Variants in CUX2 observed in about 807,000 individuals in gnomAD.
The protein encoded by CUX2 is cut like homeobox 2.
A neutral mutation model predicts 144.8 loss-of-function variants in CUX2; 40 were observed. The observed-to-expected ratio is 0.28, with a 90% CI of 0.21 to 0.36. The LOEUF is 0.36. CUX2 is among the 10% of genes least tolerant of loss of function. The pLI is 1.00. For synonymous variants in CUX2, 827 were observed against 875.6 expected, an observed-to-expected ratio of 0.94 and a Z score of 0.98; for missense variants, 1,615 against 1,994.0, an observed-to-expected ratio of 0.81 and a Z score of 3.62.
chr12:111,060,854 C>G (rs934285687), intron 1 of CUX2, among the ~76,000 whole-genome samples: 9 of 152,206 alleles, frequency 5.9e-5, no homozygotes, highest in Non-Finnish European at 1.2e-4. Context: ...GAAGCAGAAA[C>G]GGAAGCCTTA....
At chr12:111,300,302 G>A (rs1886227978) in intron 9 of CUX2, among the ~76,000 whole-genome samples, 1 of 152,122 alleles carries the variant, frequency 6.6e-6, no homozygotes, top group South Asian at 2.1e-4. Flanking sequence ...CATATGTTTT[G>A]TAGAGATGCG....
At chr12:111,082,642 A>G (rs1871964678) in intron 1 of CUX2, among the ~76,000 whole-genome samples, 1 of 152,108 alleles carries the variant, frequency 6.6e-6, no homozygotes, top group Non-Finnish European at 1.5e-5. Context: ...CAGCTTTGAA[A>G]CCAGACAGAA....
chr12:111,143,450 C>G (rs1376531938), intron 1 of CUX2, among the ~76,000 whole-genome samples: 1 of 152,170 alleles, frequency 6.6e-6, no homozygotes, highest in Non-Finnish European at 1.5e-5. Flanking sequence ...CCCGGGACCC[C>G]AGAGACGGGA....
intron 4 of CUX2, among the ~76,000 whole-genome samples, chr12:111,278,001 G>C (rs566978827): frequency 7.8e-4 from 119 of 152,352 alleles, no homozygotes; most frequent in African/African-American, 2.5e-3. Context: ...GGCTGGGGCT[G>C]CCTATGTTCC....
intron 1 of CUX2, among the ~76,000 whole-genome samples, chr12:111,177,641 T>C (rs2136175910): frequency 6.6e-6 from 1 of 152,352 alleles, no homozygotes; most frequent in African/African-American, 2.4e-5. Context: ...TCCGCCTGCC[T>C]CAACTTCCCA....
At chr12:111,121,759 G>C (rs1054856505) in intron 1 of CUX2, among the ~76,000 whole-genome samples, 1 of 151,968 alleles carries the variant, frequency 6.6e-6, no homozygotes, top group Non-Finnish European at 1.5e-5. Flanking sequence ...AAATATGACT[G>C]TATAAGTTAT....
chr12:111,075,731 A>T (rs1013027568), intron 1 of CUX2, among the ~76,000 whole-genome samples: 2 of 152,216 alleles, frequency 1.3e-5, no homozygotes, highest in Non-Finnish European at 2.9e-5. Context: ...GATGGAGCTT[A>T]TAAGTCTCAT....
rs75956519 is a variant in CUX2 at position 111,185,466 on chromosome 12, G to A, written c.64-28734G>A. On this transcript the variant is annotated intron_variant, in intron 1 of 21. Coordinates refer to ENST00000261726, the MANE Select transcript of CUX2 (RefSeq NM_015267.4). ...GTCACCCAGAGCAGGGACAGGTGTC[G>A]GCGTAATCGTGTACTGAAACCGCTG... Among the ~76,000 whole-genome samples, 459 of 152,324 alleles carry A rather than the reference G, an allele frequency of 3.0e-3. 12 individuals carry two copies. In the East Asian group the frequency reaches 0.071, roughly 24 times the overall value.
At position 111,246,877 on chromosome 12, in the gene CUX2, G is replaced by A. The variant is rs752668559; in HGVS notation, c.223-16884G>A. Among the ~76,000 whole-genome samples, 4 of 152,092 alleles carry A rather than the reference G, an allele frequency of 2.6e-5. No individual in the cohort carries two copies. On this transcript the variant is annotated intron_variant, in intron 3 of 21. Coordinates refer to ENST00000261726, the MANE Select transcript of CUX2 (RefSeq NM_015267.4). This position sits in a 1 kb window ranked among gnomAD's most constrained non-coding sequence, Gnocchi z 4.0. Reference sequence around the variant, plus strand: ...CCGTCCTTGACTGTCCCTCCTCAAAGCGCTGCTTCCCTGCCACCCTCTGCT... The same window carrying A: ...CCGTCCTTGACTGTCCCTCCTCAAAACGCTGCTTCCCTGCCACCCTCTGCT...
chr12:111,290,414 A>G (rs1018780702), intron 4 of CUX2, among the ~76,000 whole-genome samples: 1 of 152,108 alleles, frequency 6.6e-6, no homozygotes, highest in Non-Finnish European at 1.5e-5. Flanking sequence ...GGCATGTGCC[A>G]CCATGCCCAG....
At chr12:111,074,525 G>T (rs1871416036) in intron 1 of CUX2, among the ~76,000 whole-genome samples, 1 of 152,088 alleles carries the variant, frequency 6.6e-6, no homozygotes, top group Admixed American at 6.5e-5. Flanking sequence ...GCCCAACCTT[G>T]CCTGGGACCC....
intron 1 of CUX2, among the ~76,000 whole-genome samples, chr12:111,094,512 T>C (rs888678411): frequency 2.6e-5 from 4 of 152,206 alleles, no homozygotes; most frequent in Non-Finnish European, 5.9e-5. Context: ...CCACCTTTTT[T>C]CTTTGAGACA....
Position 111,254,986 on chromosome 12 carries a change from A to G in CUX2, c.223-8775A>G, listed in dbSNP as rs185029267. ...TGCCTTAGCCTCCTGAGTAGCTGAG[A>G]TTACAGGTACTCTCCTAATATTTGT... is the stretch of plus-strand genomic sequence containing the variant. On this transcript the variant is annotated intron_variant, in intron 3 of 21. Transcript: ENST00000261726. Among the ~76,000 whole-genome samples the G allele has an allele frequency of 6.8e-4, 104 of 152,274 alleles. 2 individuals are homozygous for G. Among genetic ancestry groups the G allele is most frequent in the African/African-American group, 2.5e-3 (103 of 41,558 alleles).
intron 18 of CUX2, among the ~76,000 whole-genome samples, chr12:111,329,715 G>A (rs191154745): frequency 4.7e-4 from 71 of 152,136 alleles, no homozygotes; most frequent in Non-Finnish European, 6.9e-4. Flanking sequence ...GGCTCACTGC[G>A]ACCTCTGCCT....
intron 1 of CUX2, among the ~76,000 whole-genome samples, chr12:111,138,970 C>T (rs1876114577): frequency 6.6e-6 from 1 of 151,934 alleles, no homozygotes; most frequent in African/African-American, 2.4e-5. Context: ...CCAGCTTCCT[C>T]TTGAGGGCAT....
chr12:111,188,084 G>A (rs1424275763), intron 1 of CUX2, among the ~76,000 whole-genome samples: 1 of 152,262 alleles, frequency 6.6e-6, no homozygotes, highest in Admixed American at 6.5e-5. Context: ...CAGCTGAGTG[G>A]CAGGGGGGCT....
intron 1 of CUX2, among the ~76,000 whole-genome samples, chr12:111,200,980 A>C (rs936986226): frequency 4.5e-4 from 69 of 152,236 alleles, no homozygotes; most frequent in Non-Finnish European, 2.8e-4. Context: ...TCATTTAAAC[A>C]ATAGTGGGGC....
At chr12:111,084,091 A>G (rs948064703) in intron 1 of CUX2, among the ~76,000 whole-genome samples, 4 of 152,194 alleles carry the variant, frequency 2.6e-5, no homozygotes, top group Non-Finnish European at 5.9e-5. Flanking sequence ...ATGCAGAGGC[A>G]TCACGCTGTG....
intron 1 of CUX2, among the ~76,000 whole-genome samples, chr12:111,175,131 G>A (rs746845232): frequency 3.3e-5 from 5 of 152,046 alleles, no homozygotes; most frequent in East Asian, 1.9e-4. Flanking sequence ...TTTATTTAAC[G>A]TCTTTTATAG....
Sources: allele counts gnomAD v4.1 joint callset (sites outside exome capture counted in the v4.1 genomes callset), GRCh38; gene constraint gnomAD v4.1.1; non-coding constraint Gnocchi (gnomAD v3.1); transcripts MANE v1.5; gene names NCBI Gene and HGNC (gene_info 2026-07-23, HGNC 2026-07-21).